RRP1B: variants seen among roughly 807,000 people sequenced by gnomAD.
RRP1B encodes the protein ribosomal RNA processing 1B, also known as ribosomal RNA processing protein 1 homolog B.
Under a neutral mutation model 80.2 loss-of-function variants are expected in RRP1B, and 56 were observed. The ratio of observed to expected loss-of-function variants is 0.70; its 90% CI spans 0.56 to 0.87. The LOEUF (loss-of-function observed/expected upper bound fraction) is 0.87, where lower values mean the gene tolerates loss of function less well. Ranked by LOEUF, RRP1B falls within the 40% of genes least tolerant of loss-of-function variation. The pLI, the probability that RRP1B is intolerant of heterozygous loss-of-function variation, is 0.00. For synonymous variants in RRP1B, 351 were observed against 357.6 expected, an observed-to-expected ratio of 0.98 and a Z score of 0.21; for missense variants, 807 against 939.8, an observed-to-expected ratio of 0.86 and a Z score of 1.85.
chr21:43,669,142 G>A lies in RRP1B; in HGVS notation c.131-742G>A, dbSNP rs139209505. Among the ~76,000 whole-genome samples the A allele has an allele frequency of 6.4e-3, 965 of 151,822 alleles. 7 individuals are homozygous for A. The highest frequency in any genetic ancestry group is 0.022 in the African/African-American group (893 of 41,322). On this transcript the variant is annotated intron_variant, in intron 1 of 15. Transcript: ENST00000340648. ...GGTGATGCCACAGTAAATGATCACCGTTGCAGGGAGGGTGATTGACAAAGC... is the reference window on the plus strand; with the variant it reads ...GGTGATGCCACAGTAAATGATCACCATTGCAGGGAGGGTGATTGACAAAGC...
At chr21:43,679,891 G>A (rs1337675053) in intron 8 of RRP1B, among the ~76,000 whole-genome samples, 1 of 152,124 alleles carries the variant, frequency 6.6e-6, no homozygotes, top group Non-Finnish European at 1.5e-5. Context: ...GGTTTTTGAG[G>A]TTTTGTTGTT....
intron 14 of RRP1B, 135 bp downstream of exon 14, chr21:43,690,575 A>G (rs2147177986): frequency 2.1e-6 from 2 of 958,904 alleles, no homozygotes; most frequent in Non-Finnish European, 3.1e-6. Context: ...GACAGGTTCC[A>G]CGGCCAGGGT....
rs1260515722 is a variant in RRP1B at position 43,683,386 on chromosome 21, T to A, written c.891+13T>A. On this transcript the variant is annotated intron_variant, in intron 9 of 15. Coordinates refer to ENST00000340648, the MANE Select transcript of RRP1B (RefSeq NM_015056.3). ...GCCCCTTCTCCAGGTGGGTAGCAGT[T>A]GTTGCTTTTTATAGAATATAGATTT... 6.2e-7 allele frequency: 1 copy of A among 1,603,192 alleles called. No homozygotes were observed.
intron 1 of RRP1B, among the ~76,000 whole-genome samples, chr21:43,669,580 G>A (rs936678305): frequency 4.6e-5 from 7 of 152,136 alleles, no homozygotes; most frequent in Non-Finnish European, 7.4e-5. Context: ...CGGGGAGGGC[G>A]TTGATGAGGA....
Position 43,691,583 on chromosome 21 carries a change from G to A in RRP1B, c.2083+81G>A, listed in dbSNP as rs563735942. On this transcript the variant is annotated intron_variant, in intron 15 of 15. Coordinates refer to ENST00000340648, the MANE Select transcript of RRP1B (RefSeq NM_015056.3). This position sits in a 1 kb window ranked among gnomAD's most constrained non-coding sequence, Gnocchi z 4.2. ...CGCGGCTCGCAGCCTGGTTCCACAA[G>A]GCGGTCGGGGAAGAGGGGGGTCCTA... 578 of 1,268,050 alleles carry A rather than the reference G, an allele frequency of 4.6e-4. 3 individuals are homozygous for A. In the African/African-American group the frequency reaches 7.3e-3, roughly 16 times the overall value. The allele number at this position is 1,268,050 out of a possible 1,614,324, so 78.5% of individuals were successfully genotyped here. A position where few individuals can be genotyped will look rare whatever the true frequency, so the allele number is the denominator to read the frequency against.
rs2083086307 is a variant in RRP1B at position 43,691,557 on chromosome 21, G to A, written c.2083+55G>A. 6.5e-7 allele frequency: 1 copy of A among 1,531,254 alleles called. No homozygotes were observed. Among genetic ancestry groups the A allele is most frequent in the Non-Finnish European group, 9.0e-7 (1 of 1,105,798 alleles). 94.9% of individuals were successfully genotyped at this position (1,531,254 alleles called of 1,614,324 possible). On this transcript the variant is annotated intron_variant, in intron 15 of 15. Transcript: ENST00000340648. The surrounding 1 kb of genome is among the most constrained non-coding windows in gnomAD (Gnocchi z 4.2). ...CTCTGGAGCACAGCTGCAGCTCCTG[G>A]CGCGGCTCGCAGCCTGGTTCCACAA...
Position 43,695,659 on chromosome 21 carries a change from A to G in RRP1B, c.*2276A>G, listed in dbSNP as rs546382485. 50 of 152,308 alleles carry G rather than the reference A, an allele frequency of 3.3e-4. No individual in the cohort carries two copies. The highest frequency in any genetic ancestry group is 1.2e-3 in the African/African-American group (49 of 41,574). 9.4% of individuals were successfully genotyped at this position (152,308 alleles called of 1,614,324 possible). A position where few individuals can be genotyped will look rare whatever the true frequency, so the allele number is the denominator to read the frequency against. On this transcript the variant is annotated 3_prime_UTR_variant, in exon 16 of 16. Transcript: ENST00000340648. ...AATGTGTTTAGAATACTGGTTTTCT[A>G]TTTACGCATGATATTTTCCTAAGTA...
chr21:43,672,801 C>T (rs1213722883), intron 3 of RRP1B, among the ~76,000 whole-genome samples: 2 of 152,118 alleles, frequency 1.3e-5, no homozygotes, highest in Non-Finnish European at 2.9e-5. Context: ...CTGTGTCAGG[C>T]GTTGATTGCT....
intron 1 of RRP1B, among the ~76,000 whole-genome samples, chr21:43,661,042 G>A (rs557401767): frequency 1.6e-4 from 25 of 152,228 alleles, no homozygotes; most frequent in African/African-American, 5.5e-4. Context: ...CCCCATCACT[G>A]ACATTCTCAG....
Position 43,687,928 on chromosome 21 carries a change from C to G in RRP1B, c.1554C>G (p.Ala518=). 6.2e-7 allele frequency: 1 copy of G among 1,613,266 alleles called. No individual in the cohort carries two copies. The highest frequency in any genetic ancestry group is 8.5e-7 in the Non-Finnish European group (1 of 1,180,034). The part of the protein sequence containing the change: ...QGPRGSPTGG[A]QLLKRKRKLG... The stretch of plus-strand genomic sequence containing the variant: ...CTAGAGGGTCCCCGACAGGTGGAGC[C>G]CAACTCCTAAAAAGGAAGCGGAAAC... The change falls in exon 13 of 16, where the codon GCC becomes GCG. Residue 518 remains alanine, a synonymous_variant. Coordinates refer to ENST00000340648, the MANE Select transcript of RRP1B (RefSeq NM_015056.3).
rs2083087473 is a variant in RRP1B at position 43,691,698 on chromosome 21, G to C, written c.2083+196G>C. On this transcript the variant is annotated intron_variant, in intron 15 of 15. Coordinates refer to ENST00000340648, the MANE Select transcript of RRP1B (RefSeq NM_015056.3). This position sits in a 1 kb window ranked among gnomAD's most constrained non-coding sequence, Gnocchi z 4.2. ...CTGTCACCCAGGCTGCAGTGCAGTG[G>C]CGAGATCTTGGCTCACTGCAACCTC... Among the ~76,000 whole-genome samples the C allele has an allele frequency of 6.6e-6, 1 of 151,192 alleles. No individual in the cohort carries two copies. Among genetic ancestry groups the C allele is most frequent in the Non-Finnish European group, 1.5e-5 (1 of 67,860 alleles).
chr21:43,686,140 C>G, intron 11 of RRP1B: 1 of 193,610 alleles, frequency 5.2e-6, no homozygotes, highest in Non-Finnish European at 1.1e-5. Flanking sequence ...ACAGACCAGC[C>G]CTTACCTAGT....
rs2083003926 is a variant in RRP1B, at chr21:43,672,508, G to A, written c.271+143G>A. On this transcript the variant is annotated intron_variant, in intron 3 of 15. Transcript: ENST00000340648. ...TGTGATAAACTTAGTCATTGACTTG[G>A]TGAGAGGGCACAGTGTCTTGGGGAG... 4.3e-6 allele frequency: 3 copies of A among 700,812 alleles called. No individual in the cohort carries two copies. The East Asian group carries it at 7.8e-5, about 18-fold the overall frequency. The allele number at this position is 700,812 out of a possible 1,614,324, so 43.4% of individuals were successfully genotyped here. A position where few individuals can be genotyped will look rare whatever the true frequency, so the allele number is the denominator to read the frequency against.
Position 43,686,116 on chromosome 21 carries a change from A to G in RRP1B, c.1009+327A>G, listed in dbSNP as rs900525131. The G allele has an allele frequency of 2.0e-5, 4 of 203,268 alleles. No individual in the cohort carries two copies. The East Asian group carries it at 4.9e-4, about 25-fold the overall frequency. The allele number at this position is 203,268 out of a possible 1,614,324, so 12.6% of individuals were successfully genotyped here. Reference sequence around the variant, plus strand: ...AGCCTGGGTGACACAACAAGACCCCAACTTTTAAGAAAGACAGACCAGCCC... The same window carrying G: ...AGCCTGGGTGACACAACAAGACCCCGACTTTTAAGAAAGACAGACCAGCCC... On this transcript the variant is annotated intron_variant, in intron 11 of 15. Transcript: ENST00000340648.
At chr21:43,682,190 G>A (rs565397630) in intron 8 of RRP1B, among the ~76,000 whole-genome samples, 35 of 152,260 alleles carry the variant, frequency 2.3e-4, no homozygotes, top group African/African-American at 8.4e-4. Flanking sequence ...ATTTTATGTG[G>A]TCATGGGAGT....
intron 8 of RRP1B, among the ~76,000 whole-genome samples, chr21:43,680,326 G>A (rs1299436743): frequency 6.6e-6 from 1 of 152,068 alleles, no homozygotes; most frequent in Non-Finnish European, 1.5e-5. Flanking sequence ...TTGGGAGGCG[G>A]AGACAGGTGG....
chr21:43,667,216 CGTTT>C lies in RRP1B; in HGVS notation c.131-2642_131-2639del, dbSNP rs543164242. ...CATCCACTTTCAAGTTTCTTAATAT[CGTTT>C]GTTTGTTTGTTTGTTTGTTTGTTTG... On this transcript the variant is annotated intron_variant, in intron 1 of 15. Transcript: ENST00000340648. Among the ~76,000 whole-genome samples, 508 of 151,872 alleles carry C rather than the reference CGTTT, an allele frequency of 3.3e-3. 1 individual carries two copies. Among genetic ancestry groups the C allele is most frequent in the South Asian group, 6.2e-3 (30 of 4,804 alleles).
At chr21:43,692,658 G>T (rs1231865860) in intron 15 of RRP1B, among the ~76,000 whole-genome samples, 3 of 151,948 alleles carry the variant, frequency 2.0e-5, no homozygotes, top group Non-Finnish European at 1.5e-5. Flanking sequence ...GTTGGGAACT[G>T]CAAGTAATAG....
rs1411876947 is a variant in RRP1B at position 43,693,558 on chromosome 21, C to T, written c.*175C>T. ...CTGGCCCCTCTGTAGTGGCTGCGGG[C>T]GTCTTGGTTGAATCTTTTGCTACAA... On this transcript the variant is annotated 3_prime_UTR_variant, in exon 16 of 16. Coordinates refer to ENST00000340648, the MANE Select transcript of RRP1B (RefSeq NM_015056.3). This position sits in a 1 kb window ranked among gnomAD's most constrained non-coding sequence, Gnocchi z 4.1. 12 of 557,394 alleles carry T rather than the reference C, an allele frequency of 2.2e-5. No individual in the cohort carries two copies. The South Asian group carries it at 2.3e-4, about 11-fold the overall frequency. 34.5% of individuals were successfully genotyped at this position (557,394 alleles called of 1,614,324 possible). A position where few individuals can be genotyped will look rare whatever the true frequency, so the allele number is the denominator to read the frequency against.
Sources: allele counts gnomAD v4.1 joint callset (sites outside exome capture counted in the v4.1 genomes callset), GRCh38; gene constraint gnomAD v4.1.1; non-coding constraint Gnocchi (gnomAD v3.1); transcripts MANE v1.5; gene names NCBI Gene and HGNC (gene_info 2026-07-23, HGNC 2026-07-21).